INSL6: variants seen among roughly 807,000 people sequenced by gnomAD.
INSL6 encodes insulin-like peptide INSL6.
INSL6 carries 16 observed loss-of-function variants against 9.4 expected under a neutral mutation model. That is an observed-to-expected ratio of 1.70 (90% CI 1.15 to 2.59). INSL6 has a LOEUF of 2.59. Ranked by LOEUF, INSL6 falls within the 30% of genes most tolerant of loss-of-function variation. The pLI, the probability that INSL6 is intolerant of heterozygous loss-of-function variation, is 0.00. For synonymous variants in INSL6, 154 were observed against 96.9 expected (o/e 1.59, Z -3.46); for missense variants, 391 against 257.3 (o/e 1.52, Z -3.56).
the INSL6 span, among the ~76,000 whole-genome samples, chr9:5,102,502 C>G: frequency 3.9e-5 from 6 of 152,224 alleles, no homozygotes; most frequent in East Asian, 1.2e-3. Context: ...CCCCGACCTA[C>G]CAAGGCAGGC....
chr9:5,089,537 CAAAAAAAAAAAA>C, the INSL6 span: 18 of 87,080 alleles, frequency 2.1e-4, no homozygotes, highest in East Asian at 1.7e-3. Context: ...GACTTCGTCT[CAAAAAAAAAAAA>C]AAAAAAAAAA....
intron 1 of INSL6, among the ~76,000 whole-genome samples, chr9:5,176,873 T>C (rs1825320749): frequency 6.6e-6 from 1 of 152,194 alleles, no homozygotes; most frequent in Non-Finnish European, 1.5e-5. Flanking sequence ...ATAAGTTGCA[T>C]TTCTCTAGCC....
At chr9:5,104,498 C>T in the INSL6 span, among the ~76,000 whole-genome samples, 8 of 152,188 alleles carry the variant, frequency 5.3e-5, no homozygotes, top group African/African-American at 1.9e-4. Flanking sequence ...GGAGCTGATA[C>T]CATTCCTTCT....
At chr9:4,993,605 T>C in the INSL6 span, among the ~76,000 whole-genome samples, 1 of 152,222 alleles carries the variant, frequency 6.6e-6, no homozygotes, top group African/African-American at 2.4e-5. Context: ...GGTGTCCTCT[T>C]ATTCAGCTTT....
the INSL6 span, chr9:5,069,076 G>C: frequency 1.9e-6 from 3 of 1,607,796 alleles, no homozygotes; most frequent in East Asian, 2.2e-5. Context: ...TGAGAATGAA[G>C]AGTACAACCT....
the INSL6 span, chr9:5,041,572 A>G: frequency 1.9e-6 from 1 of 514,970 alleles, no homozygotes; most frequent in Non-Finnish European, 3.9e-6. Context: ...ACGTACCTGC[A>G]CTACGTGCGG....
chr9:5,111,067 TG>T, the INSL6 span: 6 of 1,194,712 alleles, frequency 5.0e-6, no homozygotes, highest in Non-Finnish European at 7.1e-6. Flanking sequence ...TCTTGAGAAC[TG>T]GCCCAGCTCA....
At chr9:5,089,790 A>C in the INSL6 span, 1 of 1,599,902 alleles carries the variant, frequency 6.3e-7, no homozygotes, top group Non-Finnish European at 8.5e-7. Flanking sequence ...GAGACTTTGA[A>C]AGGGAAATTG....
At chr9:5,147,578 G>GT (rs750419741) in intron 2 of INSL6, among the ~76,000 whole-genome samples, 7 of 152,148 alleles carry the variant, frequency 4.6e-5, no homozygotes, top group Non-Finnish European at 1.0e-4. Context: ...GGAGTTCTCT[G>GT]TATTTCTTGG....
the INSL6 span, among the ~76,000 whole-genome samples, chr9:5,034,600 A>C: frequency 2.6e-5 from 4 of 152,054 alleles, no homozygotes; most frequent in Admixed American, 2.0e-4. Context: ...AAAACCACTC[A>C]ACTACATGGA....
intron 2 of INSL6, among the ~76,000 whole-genome samples, chr9:5,147,037 T>C (rs1824613462): frequency 6.6e-6 from 1 of 152,176 alleles, no homozygotes; most frequent in South Asian, 2.1e-4. Flanking sequence ...ACAGTTTCCC[T>C]AGAACTAAAG....
the INSL6 span, among the ~76,000 whole-genome samples, chr9:5,103,703 T>G: frequency 2.6e-5 from 4 of 151,786 alleles, no homozygotes; most frequent in African/African-American, 9.7e-5. Flanking sequence ...AGAACAGATA[T>G]CACAACAAAC....
the INSL6 span, chr9:5,072,560 CG>C: frequency 6.2e-7 from 1 of 1,609,740 alleles, no homozygotes; most frequent in Non-Finnish European, 8.5e-7. Flanking sequence ...TAGGAGACTA[CG>C]GTCAACTGCA....
the INSL6 span, among the ~76,000 whole-genome samples, chr9:5,052,605 C>T: frequency 6.6e-6 from 1 of 152,036 alleles, no homozygotes; most frequent in Non-Finnish European, 1.5e-5. Flanking sequence ...ACATTTGCAT[C>T]CTTTCTGAAA....
the INSL6 span, among the ~76,000 whole-genome samples, chr9:5,105,513 C>T: frequency 2.0e-3 from 306 of 152,248 alleles, 1 homozygote; most frequent in Middle Eastern, 6.8e-3. Flanking sequence ...AGATTCAATG[C>T]CATCCCCATC....
chr9:5,053,817 G>T, the INSL6 span, among the ~76,000 whole-genome samples: 990 of 152,054 alleles, frequency 6.5e-3, 7 homozygotes, highest in African/African-American at 0.022. Context: ...GTCCAGAAAG[G>T]CTTCCTGGAT....
intron 1 of INSL6, among the ~76,000 whole-genome samples, chr9:5,180,474 T>C (rs905354256): frequency 6.6e-6 from 1 of 152,160 alleles, no homozygotes; most frequent in African/African-American, 2.4e-5. Context: ...ACTAAATTCT[T>C]TTTCCTAGCA....
the INSL6 span, among the ~76,000 whole-genome samples, chr9:5,023,201 C>T: frequency 1.6e-4 from 24 of 152,226 alleles, no homozygotes; most frequent in Non-Finnish European, 2.9e-4. Context: ...TACCAATCCA[C>T]TCTACCTTCA....
chr9:5,165,254 A>G (rs1054489042), intron 1 of INSL6, among the ~76,000 whole-genome samples: 4 of 152,212 alleles, frequency 2.6e-5, no homozygotes, highest in African/African-American at 9.6e-5. Context: ...GCATTCACAC[A>G]CAAGTTTTTG....
Sources: gnomAD v4.1 joint callset for allele counts (sites outside exome capture counted in the v4.1 genomes callset) on GRCh38, gnomAD v4.1.1 for gene constraint, MANE v1.5 for transcripts, NCBI Gene and HGNC (gene_info 2026-07-23, HGNC 2026-07-21) for gene names.